The following THRB variants were observed in gnomAD, a reference collection of about 807,000 sequenced individuals.
THRB encodes thyroid hormone receptor beta, also known as nuclear receptor subfamily 1 group A member 2.
In THRB, 12 loss-of-function variants were observed where a neutral mutation model predicts 47.8. The observed-to-expected ratio is 0.25, with a 90% CI of 0.16 to 0.41. The LOEUF is 0.41. THRB is among the 10% of genes least tolerant of loss of function. The pLI is 1.00. For missense variants in THRB, 348 were observed against 589.2 expected (o/e 0.59, Z 4.24); for synonymous variants, 218 against 212.2 (o/e 1.03, Z -0.24).
At chr3:24,151,478 G>A (rs536734432) in intron 6 of THRB, among the ~76,000 whole-genome samples, 2 of 152,240 alleles carry the variant, frequency 1.3e-5, no homozygotes, top group Middle Eastern at 3.4e-3. Flanking sequence ...TTTACATCTT[G>A]ATAATTTAGT....
chr3:24,162,996 A>G (rs1168903934), intron 5 of THRB, among the ~76,000 whole-genome samples: 1 of 152,222 alleles, frequency 6.6e-6, no homozygotes, highest in Non-Finnish European at 1.5e-5. Context: ...ATGAACTTTT[A>G]TCTATTGTGA....
At chr3:24,373,129 G>C (rs1279652895) in intron 1 of THRB, among the ~76,000 whole-genome samples, 1 of 151,990 alleles carries the variant, frequency 6.6e-6, no homozygotes, top group African/African-American at 2.4e-5. Flanking sequence ...CATTTGGAAA[G>C]AGGGTTCTAC....
At chr3:24,417,309 G>C (rs991382969) in intron 1 of THRB, among the ~76,000 whole-genome samples, 5 of 151,906 alleles carry the variant, frequency 3.3e-5, no homozygotes, top group Non-Finnish European at 1.5e-5. Context: ...AGGCCAGGCT[G>C]TCAGTGCCAC....
intron 10 of THRB, among the ~76,000 whole-genome samples, chr3:24,126,012 T>C (rs540352394): frequency 1.3e-5 from 2 of 152,284 alleles, no homozygotes; most frequent in African/African-American, 2.4e-5. Flanking sequence ...AAATTTTCCA[T>C]AATAAAAAGA....
At chr3:24,196,254 G>A (rs984918728) in intron 4 of THRB, among the ~76,000 whole-genome samples, 1 of 152,052 alleles carries the variant, frequency 6.6e-6, no homozygotes, top group African/African-American at 2.4e-5. Flanking sequence ...TGTAAACTTT[G>A]ACCTAGTCCA....
At chr3:24,182,133 G>A (rs1428241017) in intron 5 of THRB, among the ~76,000 whole-genome samples, 1 of 152,134 alleles carries the variant, frequency 6.6e-6, no homozygotes, top group Admixed American at 6.5e-5. Context: ...CCCGGGAGGT[G>A]GAGCTTGCAG....
intron 3 of THRB, among the ~76,000 whole-genome samples, chr3:24,288,952 C>G (rs1420093586): frequency 6.6e-6 from 1 of 152,178 alleles, no homozygotes; most frequent in African/African-American, 2.4e-5. Context: ...AAAGCCACTG[C>G]ACCAAAGCAA....
chr3:24,142,364 T>TCA (rs1370386746), intron 8 of THRB, among the ~76,000 whole-genome samples: 2 of 152,260 alleles, frequency 1.3e-5, no homozygotes, highest in African/African-American at 4.8e-5. Context: ...GTGCTGGCAC[T>TCA]ATTGTTTCAT....
At chr3:24,479,733 A>C (rs1171390998) in intron 1 of THRB, among the ~76,000 whole-genome samples, 1 of 152,172 alleles carries the variant, frequency 6.6e-6, no homozygotes, top group African/African-American at 2.4e-5. Flanking sequence ...AACAATCCTC[A>C]GGTGGAAGTC....
intron 1 of THRB, among the ~76,000 whole-genome samples, chr3:24,387,472 T>A (rs1274345001): frequency 6.6e-6 from 1 of 152,136 alleles, no homozygotes; most frequent in Non-Finnish European, 1.5e-5. Context: ...AGATTTTTAA[T>A]CAAAGTAGCC....
In THRB at chr3:24,254,942, G is replaced by A. The variant is rs2150403855; in HGVS notation, c.-42-25941C>T. ...AGTTTTCCTCTCTAATAACATGTAT[G>A]AATCAGAAGCCACTAGTTTGCATTT... On this transcript the variant is annotated intron_variant, in intron 3 of 10. Coordinates refer to ENST00000646209, the MANE Select transcript of THRB (RefSeq NM_001354712.2). 2.6e-5 allele frequency among the ~76,000 whole-genome samples: 4 copies of A among 152,334 alleles called. No homozygotes were observed. The South Asian group carries it at 8.3e-4, about 32-fold the overall frequency.
At chr3:24,332,444 G>C (rs1309060048) in intron 2 of THRB, among the ~76,000 whole-genome samples, 1 of 152,110 alleles carries the variant, frequency 6.6e-6, no homozygotes, top group African/African-American at 2.4e-5. Context: ...ATAATACTTT[G>C]ATCTCTTCAC....
chr3:24,260,249 CT>C (rs1396936773), intron 3 of THRB, among the ~76,000 whole-genome samples: 2 of 152,128 alleles, frequency 1.3e-5, no homozygotes, highest in Admixed American at 1.3e-4. Context: ...GTGAGTCACA[CT>C]TTATCTCTAG....
At chr3:24,408,441 T>C (rs1051357785) in intron 1 of THRB, among the ~76,000 whole-genome samples, 2 of 151,834 alleles carry the variant, frequency 1.3e-5, no homozygotes, top group African/African-American at 4.8e-5. Flanking sequence ...AATTTCGACA[T>C]ATGTTTAGTA....
At chr3:24,398,090 G>T (rs374272836) in intron 1 of THRB, among the ~76,000 whole-genome samples, 1 of 152,106 alleles carries the variant, frequency 6.6e-6, no homozygotes, top group South Asian at 2.1e-4. Flanking sequence ...TAATGATGTT[G>T]AATAGACAGA....
chr3:24,176,523 C>A (rs1461787227), intron 5 of THRB, among the ~76,000 whole-genome samples: 1 of 152,130 alleles, frequency 6.6e-6, no homozygotes, highest in South Asian at 2.1e-4. Context: ...TTAGACTATG[C>A]CACAGCTGAT....
At chr3:24,165,123 C>G (rs753111838) in intron 5 of THRB, 1 of 765,022 alleles carries the variant, frequency 1.3e-6, no homozygotes, top group Non-Finnish European at 2.4e-6. Flanking sequence ...AGGGCCATGT[C>G]CAAGTCAGAG....
intron 1 of THRB, among the ~76,000 whole-genome samples, chr3:24,382,865 C>A (rs563527634): frequency 7.2e-5 from 11 of 152,260 alleles, no homozygotes; most frequent in African/African-American, 2.6e-4. Context: ...AATTCCAGCA[C>A]AGCACTTCTC....
chr3:24,162,132 T>G (rs1167649286), intron 5 of THRB, among the ~76,000 whole-genome samples: 1 of 151,950 alleles, frequency 6.6e-6, no homozygotes, highest in African/African-American at 2.4e-5. Flanking sequence ...GTGATTAGTA[T>G]TTGTGATGGA....
Sources: allele counts gnomAD v4.1 joint callset (sites outside exome capture counted in the v4.1 genomes callset), GRCh38; gene constraint gnomAD v4.1.1; transcripts MANE v1.5; gene names NCBI Gene and HGNC (gene_info 2026-07-23, HGNC 2026-07-21).